Variants in GRIK1 observed in about 807,000 individuals in gnomAD.
The protein encoded by GRIK1 is glutamate ionotropic receptor kainate type subunit 1.
In GRIK1, 69 loss-of-function variants were observed where a neutral mutation model predicts 105.7. The observed-to-expected ratio is 0.65, with a 90% confidence interval of 0.54 to 0.80. The LOEUF is 0.80. Ranked by LOEUF, GRIK1 falls within the 30% of genes least tolerant of loss-of-function variation. The pLI is 0.00. For missense variants in GRIK1, 1,109 were observed against 1,167.3 expected (o/e 0.95, Z 0.73); for synonymous variants, 438 against 431.3 (o/e 1.02, Z -0.19).
intron 2 of GRIK1, among the ~76,000 whole-genome samples, chr21:29,693,075 G>A (rs2063615887): frequency 6.6e-6 from 1 of 152,148 alleles, no homozygotes; most frequent in Non-Finnish European, 1.5e-5. Context: ...TTATTTGTGT[G>A]TATTTAGTAG....
Position 29,659,750 on chromosome 21 carries a change from C to T in GRIK1, c.727-4887G>A, listed in dbSNP as rs879807427. 7.2e-5 allele frequency among the ~76,000 whole-genome samples: 11 copies of T among 152,100 alleles called. 1 individual carries two copies. The highest frequency in any genetic ancestry group is 2.6e-4 in the Admixed American group (4 of 15,276). ...CCGAGTTGGACGGATCACCTGAGGT[C>T]GGGAGTTCAAGATCAGCCTGACCAA... On this transcript the variant is annotated intron_variant, in intron 4 of 17. Coordinates refer to ENST00000327783, the MANE Select transcript of GRIK1 (RefSeq NM_001330994.2).
intron 1 of GRIK1, among the ~76,000 whole-genome samples, chr21:29,884,418 A>G (rs1371522266): frequency 6.6e-6 from 1 of 151,874 alleles, no homozygotes; most frequent in Admixed American, 6.6e-5. Context: ...GGTTGGTTGT[A>G]TTTTTTTCCA....
At chr21:29,694,084 C>G (rs2063640962) in intron 1 of GRIK1, 21 bp from the exon 2 acceptor site, 1 of 1,412,918 alleles carries the variant, frequency 7.1e-7, no homozygotes, top group Non-Finnish European at 1.0e-6. Flanking sequence ...AAAAGAGATG[C>G]ATGAGAAGCG....
chr21:29,687,144 A>G (rs994389505), intron 3 of GRIK1, among the ~76,000 whole-genome samples: 3 of 152,204 alleles, frequency 2.0e-5, no homozygotes, highest in Non-Finnish European at 4.4e-5. Context: ...TTGTCCTTAG[A>G]GACGTGCACA....
intron 1 of GRIK1, among the ~76,000 whole-genome samples, chr21:29,768,147 C>T (rs1270692889): frequency 6.6e-6 from 1 of 152,090 alleles, no homozygotes; most frequent in Non-Finnish European, 1.5e-5. Context: ...GGCTGGATGA[C>T]CTCCTTTATG....
chr21:29,592,487 G>T (rs116879362), intron 9 of GRIK1, among the ~76,000 whole-genome samples: 1 of 152,152 alleles, frequency 6.6e-6, no homozygotes, highest in Non-Finnish European at 1.5e-5. Context: ...GAGGAGCCTT[G>T]GGGATTTTGA....
intron 1 of GRIK1, among the ~76,000 whole-genome samples, chr21:29,818,353 G>T (rs146633914): frequency 6.6e-6 from 1 of 152,010 alleles, no homozygotes; most frequent in South Asian, 2.1e-4. Flanking sequence ...ACATTCTCAC[G>T]AAGGAAAGGA....
intron 1 of GRIK1, among the ~76,000 whole-genome samples, chr21:29,803,176 G>A (rs1035346259): frequency 1.3e-5 from 2 of 151,886 alleles, no homozygotes; most frequent in Non-Finnish European, 2.9e-5. Context: ...CATCCTCCCG[G>A]CTGTTCCATG....
chr21:29,850,706 CT>C (rs2068277687), intron 1 of GRIK1, among the ~76,000 whole-genome samples: 1 of 152,210 alleles, frequency 6.6e-6, no homozygotes, highest in Admixed American at 6.5e-5. Flanking sequence ...CATAAATTCT[CT>C]TTATTAAGAA....
At chr21:29,671,404 ATT>A (rs546244357) in intron 4 of GRIK1, among the ~76,000 whole-genome samples, 127 of 142,156 alleles carry the variant, frequency 8.9e-4, no homozygotes, top group Middle Eastern at 3.6e-3. Context: ...TTTAAATAGA[ATT>A]TTTTTTTTTT....
At chr21:29,706,383 A>C (rs1193227297) in intron 1 of GRIK1, among the ~76,000 whole-genome samples, 1 of 152,204 alleles carries the variant, frequency 6.6e-6, no homozygotes, top group Non-Finnish European at 1.5e-5. Flanking sequence ...AAGCATTTAC[A>C]CATTTACCAC....
chr21:29,788,999 T>A (rs188136914), intron 1 of GRIK1, among the ~76,000 whole-genome samples: 32 of 152,338 alleles, frequency 2.1e-4, no homozygotes, highest in African/African-American at 7.5e-4. Context: ...CATGGCCCAT[T>A]GGTTGGGGAC....
chr21:29,850,969 A>T (rs528595361), intron 1 of GRIK1, among the ~76,000 whole-genome samples: 1 of 152,236 alleles, frequency 6.6e-6, no homozygotes, highest in East Asian at 1.9e-4. Context: ...TATTATTCCT[A>T]CCTTTTATTA....
intron 7 of GRIK1, among the ~76,000 whole-genome samples, chr21:29,636,554 CA>C (rs1258188199): frequency 1.3e-5 from 2 of 152,166 alleles, no homozygotes; most frequent in African/African-American, 4.8e-5. Context: ...GAGGTAGCAG[CA>C]GAATCACCAA....
At chr21:29,641,594 G>T (rs1359053714) in intron 7 of GRIK1, among the ~76,000 whole-genome samples, 1 of 152,180 alleles carries the variant, frequency 6.6e-6, no homozygotes, top group African/African-American at 2.4e-5. Flanking sequence ...TGCAGTCACT[G>T]CCAGGACTAG....
intron 1 of GRIK1, among the ~76,000 whole-genome samples, chr21:29,828,792 T>C (rs1199982119): frequency 2.0e-5 from 3 of 152,152 alleles, no homozygotes; most frequent in African/African-American, 7.2e-5. Flanking sequence ...AGGCATCACA[T>C]CCAGCCTCCT....
At chr21:29,681,263 T>C (rs530569215) in intron 3 of GRIK1, among the ~76,000 whole-genome samples, 13 of 152,356 alleles carry the variant, frequency 8.5e-5, no homozygotes, top group Admixed American at 7.2e-4. Flanking sequence ...AGAATGTTAC[T>C]CTGATCTTAT....
intron 1 of GRIK1, among the ~76,000 whole-genome samples, chr21:29,782,829 T>C (rs2066159671): frequency 6.6e-6 from 1 of 152,218 alleles, no homozygotes; most frequent in Admixed American, 6.5e-5. Flanking sequence ...AACCCTTCAG[T>C]ATTACACACG....
intron 1 of GRIK1, among the ~76,000 whole-genome samples, chr21:29,787,800 T>C (rs1041074666): frequency 2.0e-5 from 3 of 152,222 alleles, no homozygotes; most frequent in African/African-American, 4.8e-5. Flanking sequence ...TCAATCTTGC[T>C]AGTGACTTCA....
Sources: allele counts gnomAD v4.1 joint callset (sites outside exome capture counted in the v4.1 genomes callset), GRCh38; gene constraint gnomAD v4.1.1; transcripts MANE v1.5; gene names NCBI Gene and HGNC (gene_info 2026-07-23, HGNC 2026-07-21).